The following EIF4E3 variants were observed in gnomAD, a reference collection of about 807,000 sequenced individuals.
EIF4E3 encodes eukaryotic translation initiation factor 4E type 3.
Under a neutral mutation model 31.7 loss-of-function variants are expected in EIF4E3, and 26 were observed. The ratio of observed to expected loss-of-function variants is 0.82; its 90% CI spans 0.60 to 1.14. EIF4E3 has a LOEUF of 1.14. Among genes scored for constraint, EIF4E3 ranks in the 50% most tolerant of loss-of-function variants. EIF4E3 has a pLI of 0.00. For missense variants in EIF4E3, 304 were observed against 270.9 expected, an observed-to-expected ratio of 1.12 and a Z score of -0.86; for synonymous variants, 128 against 107.7, an observed-to-expected ratio of 1.19 and a Z score of -1.17.
intron 1 of EIF4E3, among the ~76,000 whole-genome samples, chr3:71,711,522 C>T (rs2049379025): frequency 6.6e-6 from 1 of 152,174 alleles, no homozygotes; most frequent in African/African-American, 2.4e-5. Flanking sequence ...ACTTCCTGGA[C>T]AGTTGCTAAA....
chr3:71,668,629 C>G, the EIF4E3 span, among the ~76,000 whole-genome samples: 2 of 151,760 alleles, frequency 1.3e-5, no homozygotes, highest in African/African-American at 4.8e-5. Flanking sequence ...ATGCGGCCAA[C>G]AAACATATGA....
chr3:71,669,356 C>G, the EIF4E3 span, among the ~76,000 whole-genome samples: 36 of 152,098 alleles, frequency 2.4e-4, no homozygotes, highest in Non-Finnish European at 4.6e-4. Flanking sequence ...ACCTATGTAA[C>G]AAACCTGCAT....
At chr3:71,707,206 T>C (rs1191599368) in intron 2 of EIF4E3, among the ~76,000 whole-genome samples, 1 of 152,202 alleles carries the variant, frequency 6.6e-6, no homozygotes, top group Non-Finnish European at 1.5e-5. Context: ...ATCATTTAAG[T>C]CTCATAACAG....
intron 1 of EIF4E3, among the ~76,000 whole-genome samples, chr3:71,740,541 C>A (rs907063274): frequency 1.3e-5 from 2 of 152,180 alleles, no homozygotes; most frequent in African/African-American, 4.8e-5. Context: ...TGCGACCAGC[C>A]TGGGCAACAT....
Position 71,684,393 on chromosome 3 carries a change from CAAAA to C in EIF4E3, c.*285_*288del. 6 of 196,614 alleles carry C rather than the reference CAAAA, an allele frequency of 3.1e-5. No homozygotes were observed. The highest frequency in any genetic ancestry group is 5.7e-5 in the Non-Finnish European group (6 of 105,036). The allele number at this position is 196,614 out of a possible 1,614,324, so 12.2% of individuals were successfully genotyped here. A position where few individuals can be genotyped will look rare whatever the true frequency, so the allele number is the denominator to read the frequency against. The stretch of plus-strand genomic sequence containing the variant: ...AGGCTGAATAAGGAATTTTAAACGG[CAAAA>C]AAAAAAAAAAATCAGAGTGAAAAGA... On this transcript the variant is annotated 3_prime_UTR_variant, in exon 7 of 7. Transcript: ENST00000425534.
chr3:71,694,034 A>C, intron 4 of EIF4E3, 93 bp from the exon 5 acceptor site: 1 of 1,256,348 alleles, frequency 8.0e-7, no homozygotes, highest in South Asian at 1.5e-5. Context: ...TGTTTTCTTC[A>C]ACTTCACATG....
At chr3:71,749,376 G>A (rs1027915624) in intron 1 of EIF4E3, among the ~76,000 whole-genome samples, 1 of 152,218 alleles carries the variant, frequency 6.6e-6, no homozygotes, top group African/African-American at 2.4e-5. Context: ...CCCATGGGGA[G>A]GTCAACTTGA....
At chr3:71,705,805 C>T (rs551483236) in intron 2 of EIF4E3, among the ~76,000 whole-genome samples, 400 of 151,950 alleles carry the variant, frequency 2.6e-3, no homozygotes, top group Admixed American at 4.8e-3. Context: ...ATTTTTTTTT[C>T]TCCCAGAGAT....
chr3:71,713,856 A>G (rs941886021), intron 1 of EIF4E3, among the ~76,000 whole-genome samples: 67 of 152,126 alleles, frequency 4.4e-4, no homozygotes, highest in African/African-American at 1.6e-3. Flanking sequence ...AAAGGGTTAC[A>G]CTCAACAAGA....
intron 3 of EIF4E3, among the ~76,000 whole-genome samples, chr3:71,698,927 T>G (rs1268543143): frequency 6.6e-6 from 1 of 152,092 alleles, no homozygotes; most frequent in Non-Finnish European, 1.5e-5. Context: ...TTGCTCAAAT[T>G]ACATTTCTGG....
At chr3:71,700,057 C>T (rs1305399496) in intron 2 of EIF4E3, among the ~76,000 whole-genome samples, 1 of 152,020 alleles carries the variant, frequency 6.6e-6, no homozygotes, top group Non-Finnish European at 1.5e-5. Context: ...GCCTGTAGTC[C>T]CAACTACCTA....
In EIF4E3 at chr3:71,679,353, A is replaced by G. The variant is rs953774913; in HGVS notation, c.*5329T>C. The G allele has an allele frequency of 1.3e-5, 2 of 152,210 alleles. No homozygotes were observed. The highest frequency in any genetic ancestry group is 4.8e-5 in the African/African-American group (2 of 41,460). The allele number at this position is 152,210 out of a possible 1,614,324, so 9.4% of individuals were successfully genotyped here. On this transcript the variant is annotated 3_prime_UTR_variant, in exon 7 of 7. Transcript: ENST00000425534. ...AGATCCGAAATAAACATCTGTTCCA[A>G]AATAAAAGTTCAAGAAAAATTATCT...
upstream of EIF4E3, among the ~76,000 whole-genome samples, chr3:71,729,798 ATGTGTGTGTGTGTGTGTG>A (rs3066626): frequency 1.2e-4 from 15 of 129,692 alleles, no homozygotes; most frequent in Middle Eastern, 3.6e-3. Context: ...TTCCAATAGA[ATGTGTGTGTGTGTGTGTG>A]TGTGTGTGTG....
rs1260438196 is a variant in EIF4E3 at position 71,690,171 on chromosome 3, G to T, written c.473-6C>A. 2.5e-6 allele frequency: 4 copies of T among 1,593,992 alleles called. No individual in the cohort carries two copies. The highest frequency in any genetic ancestry group is 3.4e-6 in the Non-Finnish European group (4 of 1,172,528). On this transcript the variant is annotated splice_region_variant and splice_polypyrimidine_tract_variant and intron_variant, in intron 5 of 6. Transcript: ENST00000425534. ...AACTCCTATTACTTCATCATCTGAGGGGAAGACAGGAAAAAAAAAAAATGA... is the reference window on the plus strand; with the variant it reads ...AACTCCTATTACTTCATCATCTGAGTGGAAGACAGGAAAAAAAAAAAATGA...
At position 71,682,395 on chromosome 3, in the gene EIF4E3, C is replaced by T. The variant is rs566230915; in HGVS notation, c.*2287G>A. ...TGCCTTAACACAAAAGTCACATGCC[C>T]CACAAAATATTTCCTTCTATCTCAA... On this transcript the variant is annotated 3_prime_UTR_variant, in exon 7 of 7. Transcript: ENST00000425534. 1 of 152,286 alleles carries T rather than the reference C, an allele frequency of 6.6e-6. No homozygotes were observed. Among genetic ancestry groups the T allele is most frequent in the East Asian group, 1.9e-4 (1 of 5,186 alleles). 9.4% of individuals were successfully genotyped at this position (152,286 alleles called of 1,614,324 possible).
intron 2 of EIF4E3, among the ~76,000 whole-genome samples, chr3:71,699,933 G>A (rs1340263695): frequency 1.3e-5 from 2 of 152,126 alleles, no homozygotes; most frequent in Non-Finnish European, 2.9e-5. Context: ...AGCACTTTGG[G>A]AGGCCAAGGC....
chr3:71,660,643 C>A, the EIF4E3 span, among the ~76,000 whole-genome samples: 1 of 152,208 alleles, frequency 6.6e-6, no homozygotes, highest in East Asian at 1.9e-4. Flanking sequence ...AACACAGGTT[C>A]TATCAGCTGA....
Position 71,682,208 on chromosome 3 carries a change from A to G in EIF4E3, c.*2474T>C, listed in dbSNP as rs893890362. 1 of 152,238 alleles carries G rather than the reference A, an allele frequency of 6.6e-6. No individual in the cohort carries two copies. Among genetic ancestry groups the G allele is most frequent in the Non-Finnish European group, 1.5e-5 (1 of 68,038 alleles). 9.4% of individuals were successfully genotyped at this position (152,238 alleles called of 1,614,324 possible). On this transcript the variant is annotated 3_prime_UTR_variant, in exon 7 of 7. Transcript: ENST00000425534. ...TAGTTTCAATCAGATTTCCTGGCAT[A>G]TATCACAGACCCTAAGGAATTACAA...
the EIF4E3 span, among the ~76,000 whole-genome samples, chr3:71,661,381 T>C: frequency 1.3e-5 from 2 of 152,112 alleles, no homozygotes; most frequent in African/African-American, 4.8e-5. Context: ...AAGTTTATTA[T>C]CATCCAAAGT....
Sources: gnomAD v4.1 joint callset for allele counts (sites outside exome capture counted in the v4.1 genomes callset) on GRCh38, gnomAD v4.1.1 for gene constraint, MANE v1.5 for transcripts, NCBI Gene and HGNC (gene_info 2026-07-23, HGNC 2026-07-21) for gene names.